The following ERBB4 variants were observed in gnomAD, a reference collection of about 807,000 sequenced individuals.
The protein encoded by ERBB4 is receptor tyrosine-protein kinase erbB-4.
ERBB4 carries 42 observed loss-of-function variants against 158.0 expected under a neutral mutation model. The ratio of observed to expected loss-of-function variants is 0.27; its 90% CI spans 0.21 to 0.34. The LOEUF (loss-of-function observed/expected upper bound fraction) is 0.34. Ranked by LOEUF, ERBB4 falls within the 10% of genes least tolerant of loss-of-function variation. The pLI is 1.00. For synonymous variants in ERBB4, 583 were observed against 558.7 expected, an observed-to-expected ratio of 1.04 and a Z score of -0.61; for missense variants, 1,333 against 1,624.1, an observed-to-expected ratio of 0.82 and a Z score of 3.08.
At position 211,905,045 on chromosome 2, in the gene ERBB4, A is replaced by G. The variant is rs2079339836; in HGVS notation, c.421+42385T>C. Among the ~76,000 whole-genome samples the G allele has an allele frequency of 1.3e-5, 2 of 152,132 alleles. 1 individual carries two copies. The highest frequency in any genetic ancestry group is 4.1e-4 in the South Asian group (2 of 4,828). On this transcript the variant is annotated intron_variant, in intron 3 of 27. Transcript: ENST00000342788. Reference sequence around the variant, plus strand: ...TAGTCTGGCATTGCTGCTGTAAAAAACAGCACAAACTTACCGCAAATTTAA... The same window carrying G: ...TAGTCTGGCATTGCTGCTGTAAAAAGCAGCACAAACTTACCGCAAATTTAA...
intron 2 of ERBB4, among the ~76,000 whole-genome samples, chr2:211,972,371 A>G (rs1204002737): frequency 6.6e-6 from 1 of 152,200 alleles, no homozygotes; most frequent in Non-Finnish European, 1.5e-5. Context: ...TTCAACTACC[A>G]TTGACATTCT....
At chr2:211,501,556 A>G (rs972473464) in intron 20 of ERBB4, among the ~76,000 whole-genome samples, 3 of 151,896 alleles carry the variant, frequency 2.0e-5, no homozygotes, top group Non-Finnish European at 2.9e-5. Flanking sequence ...TTAGAAAACA[A>G]TAAGATATTG....
At chr2:212,101,916 A>G (rs2079095712) in intron 2 of ERBB4, among the ~76,000 whole-genome samples, 1 of 151,390 alleles carries the variant, frequency 6.6e-6, no homozygotes, top group Non-Finnish European at 1.5e-5. Context: ...GGGGGGGTAC[A>G]TTTACCTCCT....
At chr2:211,999,496 G>A (rs2076055558) in intron 2 of ERBB4, among the ~76,000 whole-genome samples, 1 of 151,828 alleles carries the variant, frequency 6.6e-6, no homozygotes, top group Non-Finnish European at 1.5e-5. Flanking sequence ...CTGGAGCTAT[G>A]TTTAATTTCA....
chr2:212,527,807 C>T (rs1692530545), intron 1 of ERBB4, among the ~76,000 whole-genome samples: 2 of 150,628 alleles, frequency 1.3e-5, no homozygotes, highest in Non-Finnish European at 3.0e-5. Context: ...GCACCATTAA[C>T]TTGTCATTTA....
At chr2:212,166,875 A>C (rs921127393) in intron 1 of ERBB4, among the ~76,000 whole-genome samples, 7 of 152,182 alleles carry the variant, frequency 4.6e-5, no homozygotes, top group African/African-American at 1.7e-4. Flanking sequence ...GTGCTGGGAA[A>C]ACTGGCTAGC....
At chr2:212,408,662 A>G (rs2091417160) in intron 1 of ERBB4, among the ~76,000 whole-genome samples, 2 of 152,122 alleles carry the variant, frequency 1.3e-5, no homozygotes, top group African/African-American at 4.8e-5. Flanking sequence ...TCTTACAAAA[A>G]AGAAAATACT....
chr2:211,781,546 CA>C (rs1039471929), intron 4 of ERBB4, among the ~76,000 whole-genome samples: 2 of 152,132 alleles, frequency 1.3e-5, no homozygotes, highest in Admixed American at 1.3e-4. Context: ...CTATGAGAGA[CA>C]ACCTTCTAGT....
At chr2:211,387,530 C>G (rs914729305) in intron 26 of ERBB4, among the ~76,000 whole-genome samples, 1 of 152,114 alleles carries the variant, frequency 6.6e-6, no homozygotes, top group Non-Finnish European at 1.5e-5. Context: ...AATAGAAGTA[C>G]ATGGATATAT....
chr2:211,517,299 C>T (rs954694215), intron 20 of ERBB4, among the ~76,000 whole-genome samples: 1 of 152,044 alleles, frequency 6.6e-6, no homozygotes, highest in African/African-American at 2.4e-5. Context: ...GATACCTTCT[C>T]ATTCAATTTT....
chr2:211,870,976 A>C (rs2078329106), intron 3 of ERBB4, among the ~76,000 whole-genome samples: 1 of 152,188 alleles, frequency 6.6e-6, no homozygotes, highest in South Asian at 2.1e-4. Flanking sequence ...TTTAAATAAG[A>C]CCTAGAAATT....
chr2:212,300,990 T>C (rs1390175434), intron 1 of ERBB4, among the ~76,000 whole-genome samples: 2 of 151,652 alleles, frequency 1.3e-5, no homozygotes, highest in East Asian at 3.9e-4. Flanking sequence ...TATTTCTTCA[T>C]TGATGTCCTT....
At chr2:211,927,744 A>T (rs2080059050) in intron 3 of ERBB4, among the ~76,000 whole-genome samples, 1 of 151,994 alleles carries the variant, frequency 6.6e-6, no homozygotes, top group Admixed American at 6.6e-5. Flanking sequence ...TCCCATATAG[A>T]GCTCAGTTTA....
chr2:212,242,115 T>C (rs576322963), intron 1 of ERBB4, among the ~76,000 whole-genome samples: 2 of 152,028 alleles, frequency 1.3e-5, no homozygotes, highest in East Asian at 3.9e-4. Context: ...AATCTCAACA[T>C]AACAAGATGT....
At chr2:211,701,867 C>T in intron 12 of ERBB4, 100 bp downstream of exon 12, 1 of 864,756 alleles carries the variant, frequency 1.2e-6, no homozygotes. Flanking sequence ...GATAACAGAG[C>T]AACAATTCTG....
intron 19 of ERBB4, among the ~76,000 whole-genome samples, chr2:211,573,454 A>C (rs1327038778): frequency 6.6e-6 from 1 of 152,136 alleles, no homozygotes; most frequent in Non-Finnish European, 1.5e-5. Flanking sequence ...GCAGATCACG[A>C]GGTCAGGAGA....
At chr2:212,456,131 A>C (rs544068368) in intron 1 of ERBB4, among the ~76,000 whole-genome samples, 1 of 152,170 alleles carries the variant, frequency 6.6e-6, no homozygotes, top group African/African-American at 2.4e-5. Flanking sequence ...CCTCTAGAGC[A>C]TTTTTAAAAT....
At chr2:212,231,472 G>C (rs1329112707) in intron 1 of ERBB4, among the ~76,000 whole-genome samples, 1 of 152,138 alleles carries the variant, frequency 6.6e-6, no homozygotes. Flanking sequence ...GAAGGTGAGT[G>C]CCAGAAGCAG....
chr2:212,006,712 C>G (rs2076267417), intron 2 of ERBB4, among the ~76,000 whole-genome samples: 1 of 151,910 alleles, frequency 6.6e-6, no homozygotes, highest in African/African-American at 2.4e-5. Context: ...GATAAGTATA[C>G]CAAATTTCTA....
Sources: gnomAD v4.1 joint callset for allele counts (sites outside exome capture counted in the v4.1 genomes callset) on GRCh38, gnomAD v4.1.1 for gene constraint, MANE v1.5 for transcripts, NCBI Gene and HGNC (gene_info 2026-07-23, HGNC 2026-07-21) for gene names.